Variants in SEMA3A observed in about 807,000 individuals in gnomAD.
The protein encoded by SEMA3A is semaphorin 3A.
A neutral mutation model predicts 97.9 loss-of-function variants in SEMA3A; 29 were observed. That is an observed-to-expected ratio of 0.30 (90% CI 0.22 to 0.40). The LOEUF (loss-of-function observed/expected upper bound fraction) is 0.40, where lower values mean the gene tolerates loss of function less well. Ranked by LOEUF, SEMA3A falls within the 10% of genes least tolerant of loss-of-function variation. The pLI, the probability that SEMA3A is intolerant of heterozygous loss-of-function variation, is 1.00. For synonymous variants in SEMA3A, 321 were observed against 323.7 expected (o/e 0.99, Z 0.09); for missense variants, 763 against 951.3 (o/e 0.80, Z 2.60).
chr7:84,281,530 A>G (rs1487491855), intron 3 of SEMA3A, among the ~76,000 whole-genome samples: 2 of 152,206 alleles, frequency 1.3e-5, no homozygotes, highest in African/African-American at 2.4e-5. Flanking sequence ...CTTTCCACAA[A>G]AAAAGGGATA....
intron 6 of SEMA3A, among the ~76,000 whole-genome samples, chr7:84,038,536 C>T (rs1029110078): frequency 2.0e-5 from 3 of 150,834 alleles, no homozygotes; most frequent in African/African-American, 4.8e-5. Context: ...AGAAATTGAT[C>T]ACAGAGAGCT....
intron 12 of SEMA3A, among the ~76,000 whole-genome samples, chr7:84,000,616 G>A (rs1790402610): frequency 6.6e-6 from 1 of 151,932 alleles, no homozygotes; most frequent in Non-Finnish European, 1.5e-5. Flanking sequence ...TTTACTGATG[G>A]TGGAGCTCAG....
At chr7:84,406,051 A>G (rs1584298167) in intron 1 of SEMA3A, among the ~76,000 whole-genome samples, 1 of 152,184 alleles carries the variant, frequency 6.6e-6, no homozygotes, top group East Asian at 1.9e-4. Context: ...CTAAGATCAG[A>G]GCAAAACTGA....
chr7:84,394,769 A>C (rs1803680733), intron 1 of SEMA3A, among the ~76,000 whole-genome samples: 1 of 152,290 alleles, frequency 6.6e-6, no homozygotes, highest in East Asian at 1.9e-4. Context: ...TAGTAGAAAA[A>C]ACTGAAATGG....
chr7:84,479,586 T>C (rs1806390037), intron 1 of SEMA3A, among the ~76,000 whole-genome samples: 1 of 152,124 alleles, frequency 6.6e-6, no homozygotes, highest in African/African-American at 2.4e-5. Context: ...AGATGAGACA[T>C]GCTATAGAAT....
rs1788332938 is a variant in SEMA3A at position 83,957,980 on chromosome 7, C to T, written c.*3391G>A. The T allele has an allele frequency of 6.6e-6, 1 of 151,974 alleles. No homozygotes were observed. Among genetic ancestry groups the T allele is most frequent in the African/African-American group, 2.4e-5 (1 of 41,416 alleles). 9.4% of individuals were successfully genotyped at this position (151,974 alleles called of 1,614,324 possible). A position where few individuals can be genotyped will look rare whatever the true frequency, so the allele number is the denominator to read the frequency against. On this transcript the variant is annotated 3_prime_UTR_variant, in exon 17 of 17. Coordinates refer to ENST00000265362, the MANE Select transcript of SEMA3A (RefSeq NM_006080.3). ...AAAACAAAGATTTTAACATATTATA[C>T]TAGTGGCTCCATATTAATAAAATGC...
intron 3 of SEMA3A, among the ~76,000 whole-genome samples, chr7:84,268,490 C>T (rs1418416858): frequency 1.3e-5 from 2 of 152,016 alleles, no homozygotes; most frequent in Non-Finnish European, 2.9e-5. Context: ...ATCTGAGTGC[C>T]TACTTCAGTA....
At chr7:84,184,596 G>C (rs757116355) in intron 1 of SEMA3A, among the ~76,000 whole-genome samples, 1 of 151,766 alleles carries the variant, frequency 6.6e-6, no homozygotes, top group South Asian at 2.1e-4. Context: ...GTAAAAAGGT[G>C]GGGGTATGGG....
chr7:84,000,465 T>C (rs375983693), intron 12 of SEMA3A, among the ~76,000 whole-genome samples: 6 of 152,328 alleles, frequency 3.9e-5, no homozygotes, highest in African/African-American at 1.4e-4. Flanking sequence ...GTAGCTCATT[T>C]TCAGTTTAGC....
At chr7:84,114,452 A>G (rs1248362848) in intron 3 of SEMA3A, among the ~76,000 whole-genome samples, 2 of 152,150 alleles carry the variant, frequency 1.3e-5, no homozygotes, top group Non-Finnish European at 1.5e-5. Flanking sequence ...ATTCCTGTAA[A>G]AAGAAGAAAA....
chr7:84,096,656 T>G lies in SEMA3A; in HGVS notation c.453+13814A>C, dbSNP rs533064444. ...AAAGTGAATAGGATGAAATTTTTTGTCATTTATGTGTCAAACACATCATTT... is the reference window on the plus strand; with the variant it reads ...AAAGTGAATAGGATGAAATTTTTTGGCATTTATGTGTCAAACACATCATTT... On this transcript the variant is annotated intron_variant, in intron 4 of 16. Coordinates refer to ENST00000265362, the MANE Select transcript of SEMA3A (RefSeq NM_006080.3). 9.9e-5 allele frequency among the ~76,000 whole-genome samples: 15 copies of G among 152,228 alleles called. No individual in the cohort carries two copies. In the South Asian group the frequency reaches 3.1e-3, roughly 32 times the overall value.
chr7:83,983,039 A>G (rs1482328490), intron 13 of SEMA3A, among the ~76,000 whole-genome samples: 1 of 152,042 alleles, frequency 6.6e-6, no homozygotes, highest in Non-Finnish European at 1.5e-5. Flanking sequence ...AAATTATAGC[A>G]TATATTACTA....
chr7:84,424,733 A>C (rs1484857034), intron 1 of SEMA3A, among the ~76,000 whole-genome samples: 1 of 100,554 alleles, frequency 9.9e-6, no homozygotes, highest in Non-Finnish European at 1.7e-5. Context: ...TTTATATATT[A>C]TATATTTAGA....
chr7:84,021,904 A>T (rs2116442065), intron 6 of SEMA3A, among the ~76,000 whole-genome samples: 1 of 152,276 alleles, frequency 6.6e-6, no homozygotes, highest in Non-Finnish European at 1.5e-5. Context: ...AGAAATGCTT[A>T]TACATGCTTC....
intron 1 of SEMA3A, among the ~76,000 whole-genome samples, chr7:84,478,362 A>G (rs1314456728): frequency 6.6e-6 from 1 of 152,120 alleles, no homozygotes; most frequent in Non-Finnish European, 1.5e-5. Flanking sequence ...TACTGTTTTC[A>G]CCCCAAGGAT....
intron 4 of SEMA3A, among the ~76,000 whole-genome samples, chr7:84,083,342 G>A (rs879390285): frequency 2.0e-5 from 3 of 151,534 alleles, no homozygotes; most frequent in Admixed American, 1.3e-4. Flanking sequence ...TGTACACATT[G>A]TGGGGTAAAT....
At chr7:84,273,253 G>A (rs1800198344) in intron 3 of SEMA3A, among the ~76,000 whole-genome samples, 1 of 151,836 alleles carries the variant, frequency 6.6e-6, no homozygotes. Context: ...TCACCTCAAG[G>A]CCAACCACAT....
At chr7:84,172,582 C>T (rs918682457) in intron 1 of SEMA3A, among the ~76,000 whole-genome samples, 5 of 152,016 alleles carry the variant, frequency 3.3e-5, no homozygotes, top group Admixed American at 2.0e-4. Flanking sequence ...CCACCACGCC[C>T]GGCTCATTTT....
At chr7:84,054,295 T>C (rs1258490188) in intron 5 of SEMA3A, among the ~76,000 whole-genome samples, 3 of 152,286 alleles carry the variant, frequency 2.0e-5, no homozygotes, top group African/African-American at 4.8e-5. Flanking sequence ...CTGGATAATA[T>C]CCTGCAGAGT....
Sources: gnomAD v4.1 joint callset for allele counts (sites outside exome capture counted in the v4.1 genomes callset) on GRCh38, gnomAD v4.1.1 for gene constraint, MANE v1.5 for transcripts, NCBI Gene and HGNC (gene_info 2026-07-23, HGNC 2026-07-21) for gene names.